CNOT4: variants seen among roughly 807,000 people sequenced by gnomAD.
The protein encoded by CNOT4 is CCR4-associated factor 4.
In CNOT4, 8 loss-of-function variants were observed where a neutral mutation model predicts 73.8. The observed-to-expected ratio is 0.11, with a 90% CI of 0.06 to 0.20. The LOEUF is 0.20. Among genes scored for constraint, CNOT4 ranks in the 10% least tolerant of loss-of-function variants. The pLI is 1.00. For missense variants in CNOT4, 564 were observed against 883.4 expected (o/e 0.64, Z 4.58); for synonymous variants, 293 against 321.1 (o/e 0.91, Z 0.94).
intron 1 of CNOT4, among the ~76,000 whole-genome samples, chr7:135,496,922 T>C (rs1162083173): frequency 6.6e-6 from 1 of 151,620 alleles, no homozygotes; most frequent in Non-Finnish European, 1.5e-5. Context: ...TCCTCCCCAC[T>C]TAAACTCCCA....
intron 9 of CNOT4, among the ~76,000 whole-genome samples, chr7:135,395,334 C>A (rs1458126783): frequency 2.6e-5 from 4 of 151,838 alleles, no homozygotes; most frequent in African/African-American, 9.7e-5. Context: ...GGCGAGAGAC[C>A]AAGACCCCCA....
intron 1 of CNOT4, among the ~76,000 whole-genome samples, chr7:135,480,806 C>G (rs1802325630): frequency 6.7e-6 from 1 of 149,504 alleles, no homozygotes; most frequent in African/African-American, 2.5e-5. Context: ...TTAGAGACAA[C>G]TAATTTTCAA....
intron 2 of CNOT4, among the ~76,000 whole-genome samples, chr7:135,428,328 C>A (rs1261693722): frequency 1.3e-5 from 2 of 152,050 alleles, no homozygotes; most frequent in Admixed American, 6.6e-5. Flanking sequence ...AAGGAAGCAG[C>A]CACATTAACC....
chr7:135,440,845 G>A (rs1222800417), intron 1 of CNOT4, among the ~76,000 whole-genome samples: 1 of 151,998 alleles, frequency 6.6e-6, no homozygotes, highest in African/African-American at 2.4e-5. Flanking sequence ...CTTGAACCCA[G>A]GAGGCGGAGG....
At chr7:135,502,402 T>C (rs777270915) in intron 1 of CNOT4, among the ~76,000 whole-genome samples, 2 of 152,232 alleles carry the variant, frequency 1.3e-5, no homozygotes, top group Non-Finnish European at 2.9e-5. Context: ...ACATTATTTG[T>C]ACACTGCTTT....
chr7:135,488,129 G>T (rs1802860462), intron 1 of CNOT4, among the ~76,000 whole-genome samples: 2 of 152,040 alleles, frequency 1.3e-5, no homozygotes, highest in East Asian at 1.9e-4. Flanking sequence ...TTGTTTTCAA[G>T]GATTTTTTTC....
intron 1 of CNOT4, among the ~76,000 whole-genome samples, chr7:135,501,481 T>A (rs796939825): frequency 4.6e-5 from 7 of 152,278 alleles, no homozygotes; most frequent in African/African-American, 1.4e-4. Context: ...ATCTGACAAA[T>A]CCTGTAGAAT....
chr7:135,430,374 G>A (rs761442118), intron 2 of CNOT4, among the ~76,000 whole-genome samples: 1 of 152,130 alleles, frequency 6.6e-6, no homozygotes, highest in Non-Finnish European at 1.5e-5. Flanking sequence ...GTAGTGGTTC[G>A]TGCCTATAAT....
intron 10 of CNOT4, among the ~76,000 whole-genome samples, chr7:135,381,729 T>C (rs1196419242): frequency 3.3e-5 from 5 of 152,142 alleles, no homozygotes; most frequent in African/African-American, 7.2e-5. Context: ...TAAAGAATGG[T>C]ACTGGGTCAC....
At chr7:135,496,578 T>C (rs1026985103) in intron 1 of CNOT4, among the ~76,000 whole-genome samples, 1 of 151,942 alleles carries the variant, frequency 6.6e-6, no homozygotes, top group Non-Finnish European at 1.5e-5. Context: ...GTGCCCTTCT[T>C]CCTGAAACCT....
At chr7:135,387,096 T>C in intron 10 of CNOT4, 1 of 984,430 alleles carries the variant, frequency 1.0e-6, no homozygotes, top group South Asian at 4.7e-5. Flanking sequence ...CCTCTTACAG[T>C]AAAAATGAAA....
At chr7:135,387,765 A>AAT in intron 10 of CNOT4, 1 of 978,228 alleles carries the variant, frequency 1.0e-6, no homozygotes. Flanking sequence ...TGTTTTCAGA[A>AAT]ATATCACTTC....
At chr7:135,467,391 AG>A in intron 1 of CNOT4, among the ~76,000 whole-genome samples, 1 of 152,256 alleles carries the variant, frequency 6.6e-6, no homozygotes, top group East Asian at 1.9e-4. Context: ...AGCCTTCTTT[AG>A]TCAACACTTT....
chr7:135,453,707 GAGT>G lies in CNOT4; in HGVS notation c.-92-15287_-92-15285del, dbSNP rs530016198. Among the ~76,000 whole-genome samples the G allele has an allele frequency of 3.4e-3, 500 of 147,274 alleles. 4 individuals are homozygous for G. Among genetic ancestry groups the G allele is most frequent in the African/African-American group, 0.012 (478 of 40,366 alleles). On this transcript the variant is annotated intron_variant, in intron 1 of 11. Transcript: ENST00000541284. ...AAATAAAACAATCAAGCTTATGTATGAGTATTTTCCTGGAATTGTTTTATATAT... is the reference window on the plus strand; with the variant it reads ...AAATAAAACAATCAAGCTTATGTATGATTTTCCTGGAATTGTTTTATATAT...
chr7:135,421,865 C>T (rs544334164), intron 3 of CNOT4, among the ~76,000 whole-genome samples: 1 of 152,236 alleles, frequency 6.6e-6, no homozygotes, highest in Non-Finnish European at 1.5e-5. Context: ...GCCTTAACAG[C>T]AAAATAGAAT....
chr7:135,417,073 A>AC (rs1430984431), intron 3 of CNOT4, among the ~76,000 whole-genome samples: 1 of 152,248 alleles, frequency 6.6e-6, no homozygotes, highest in East Asian at 1.9e-4. Context: ...GCCAATTCAT[A>AC]CACCAGTAAC....
chr7:135,507,398 T>C (rs1465860334), intron 1 of CNOT4, among the ~76,000 whole-genome samples: 1 of 152,082 alleles, frequency 6.6e-6, no homozygotes, highest in Non-Finnish European at 1.5e-5. Flanking sequence ...ATCAAAAAAC[T>C]AAAACCAAGC....
chr7:135,446,293 CAG>C lies in CNOT4; in HGVS notation c.-92-7872_-92-7871del, dbSNP rs765343613. On this transcript the variant is annotated intron_variant, in intron 1 of 11. Coordinates refer to ENST00000541284, the MANE Select transcript of CNOT4 (RefSeq NM_001190850.2). Reference sequence around the variant, plus strand: ...AATGGGGAGTTATTACTTAATTTAACAGAGTTTCTGTTTGAGATGCTGAAAAA... The same window carrying C: ...AATGGGGAGTTATTACTTAATTTAACAGTTTCTGTTTGAGATGCTGAAAAA... Among the ~76,000 whole-genome samples the C allele has an allele frequency of 3.7e-4, 56 of 152,234 alleles. 1 individual carries two copies. Among genetic ancestry groups the C allele is most frequent in the Non-Finnish European group, 3.8e-4 (26 of 68,016 alleles).
chr7:135,403,934 ACTT>A (rs1797138790), intron 7 of CNOT4, among the ~76,000 whole-genome samples: 1 of 152,144 alleles, frequency 6.6e-6, no homozygotes, highest in Non-Finnish European at 1.5e-5. Context: ...ACCTAAACAC[ACTT>A]CTTATTTGCT....
Sources: gnomAD v4.1 joint callset for allele counts (sites outside exome capture counted in the v4.1 genomes callset) on GRCh38, gnomAD v4.1.1 for gene constraint, MANE v1.5 for transcripts, NCBI Gene and HGNC (gene_info 2026-07-23, HGNC 2026-07-21) for gene names.